MBD1: variants seen among roughly 807,000 people sequenced by gnomAD.
The protein encoded by MBD1 is methyl-CpG binding domain protein 1, also known as methyl-CpG-binding domain protein 1.
Under a neutral mutation model 82.6 loss-of-function variants are expected in MBD1, and 25 were observed. The observed-to-expected ratio is 0.30, with a 90% CI of 0.22 to 0.42. The LOEUF (loss-of-function observed/expected upper bound fraction) is 0.42. Among genes scored for constraint, MBD1 ranks in the 10% least tolerant of loss-of-function variants. The pLI, the probability that MBD1 is intolerant of heterozygous loss-of-function variation, is 1.00. For synonymous variants in MBD1, 301 were observed against 303.7 expected, an observed-to-expected ratio of 0.99 and a Z score of 0.09; for missense variants, 627 against 819.6, an observed-to-expected ratio of 0.76 and a Z score of 2.87.
intron 16 of MBD1, chr18:50,270,229 T>C: frequency 7.1e-7 from 1 of 1,416,020 alleles, no homozygotes; most frequent in Non-Finnish European, 9.9e-7. Flanking sequence ...ATGTCTGAAT[T>C]ACTTAAAGCT....
chr18:50,271,356 T>C (rs1057351049), intron 16 of MBD1, 113 bp downstream of exon 16: 2 of 1,592,714 alleles, frequency 1.3e-6, no homozygotes, highest in African/African-American at 1.3e-5. Flanking sequence ...TCTGGTTTGG[T>C]AGTAGGTTTT....
At position 50,275,614 on chromosome 18, in the gene MBD1, G is replaced by A; in HGVS notation, c.778C>T (p.Arg260Ter). The A allele has an allele frequency of 6.2e-7, 1 of 1,614,220 alleles. No homozygotes were observed. The highest frequency in any genetic ancestry group is 8.5e-7 in the Non-Finnish European group (1 of 1,180,038). ...GCCCAACTCACCCGTAGGCAACGTC[G>A]CTGGACACATTTCCACTGGCGCCTG... ...GLRRQWKCVQ[R>*]RCLRGKHARR... The change falls in exon 8 of 17, where the codon CGA (arginine) becomes TGA (stop). Residue 260 changes from arginine to a stop codon, truncating the protein, a stop_gained. Transcript: ENST00000269468. LOFTEE classifies it high-confidence loss of function.
intron 13 of MBD1, 138 bp from the exon 14 acceptor site, chr18:50,273,093 C>G: frequency 8.5e-6 from 11 of 1,297,336 alleles, no homozygotes; most frequent in Non-Finnish European, 1.1e-5. Context: ...TCTCTGCCTA[C>G]AAAGCTTTCC....
At chr18:50,281,748 T>A (rs940188653), upstream of MBD1, 1 of 351,250 alleles carries the variant, frequency 2.8e-6, no homozygotes. Flanking sequence ...CTCTCCTCGC[T>A]GCCCATCTAG....
chr18:50,271,459 C>T lies in MBD1; in HGVS notation c.*32+10G>A, dbSNP rs1186574170. 18 of 1,614,004 alleles carry T rather than the reference C, an allele frequency of 1.1e-5. No homozygotes were observed. The Middle Eastern group carries it at 4.9e-4, about 44-fold the overall frequency. On this transcript the variant is annotated intron_variant, in intron 16 of 16. Transcript: ENST00000269468. ...TGTTGTCTCTCATAAAGCCAGTCTGCAAATATCACCTTGAATCCTACAGTC... is the reference window on the plus strand; with the variant it reads ...TGTTGTCTCTCATAAAGCCAGTCTGTAAATATCACCTTGAATCCTACAGTC...
chr18:50,273,674 C>T lies in MBD1; in HGVS notation c.1336G>A (p.Gly446Ser). The T allele has an allele frequency of 1.2e-6, 2 of 1,614,110 alleles. No individual in the cohort carries two copies. Among genetic ancestry groups the T allele is most frequent in the Non-Finnish European group, 1.7e-6 (2 of 1,180,048 alleles). ...GTGCCAGGCGGGGGCAGCACAAAGC[C>T]ACCACCTGCTTCCTGCTTCGTTGGA... The part of the protein sequence containing the change: ...QAPTKQEAGG[G>S]FVLPPPGTDL... The change falls in exon 12 of 17, where the codon GGC becomes AGC. Residue 446 changes from glycine (G) to serine (S), a missense_variant. Around this residue, in one of 6 missense-constraint regions of MBD1, gnomAD observed 265 missense variants for 278.4 expected, o/e 0.95. Transcript: ENST00000269468.
At chr18:50,274,862 G>A (rs2037118346) in intron 10 of MBD1, 115 bp downstream of exon 10, 11 of 1,049,546 alleles carry the variant, frequency 1.0e-5, no homozygotes, top group Non-Finnish European at 1.6e-5. Context: ...CCCATCCTAG[G>A]ACCCATTATT....
chr18:50,276,095 C>T, intron 6 of MBD1, 114 bp from the exon 7 acceptor site: 2 of 1,325,734 alleles, frequency 1.5e-6, no homozygotes, highest in East Asian at 5.0e-5. Context: ...CCCCATTAGC[C>T]TCATCACCGT....
intron 16 of MBD1, chr18:50,270,620 T>C (rs2035105038): frequency 6.1e-6 from 2 of 329,988 alleles, no homozygotes; most frequent in South Asian, 2.5e-5. Context: ...AGTGGGGAGA[T>C]ATATCCTGTA....
rs367740776 is a variant in MBD1 at position 50,275,937 on chromosome 18, G to T, written c.561C>A (p.Asp187Glu). The T allele has an allele frequency of 4.3e-6, 7 of 1,613,762 alleles. No homozygotes were observed. Among genetic ancestry groups the T allele is most frequent in the Non-Finnish European group, 5.9e-6 (7 of 1,180,028 alleles). Reference sequence around the variant, plus strand: ...GGAGGCAGGTGGAGCAGGCCCCACAGTCTTCTGTTACCTGGCAGGCTGCAC... The same window carrying T: ...GGAGGCAGGTGGAGCAGGCCCCACATTCTTCTGTTACCTGGCAGGCTGCAC... ...GECAACQVTE[D>E]CGACSTCLLQ... is the part of the protein sequence containing the mutation. The change falls in exon 7 of 17, where the codon GAC becomes GAA. Residue 187 changes from aspartate to glutamate, a missense_variant. This residue lies in a region of MBD1 where 228 missense variants were observed against 318.1 expected (regional missense o/e 0.72). Coordinates refer to ENST00000269468, the MANE Select transcript of MBD1 (RefSeq NM_015846.4).
Position 50,275,047 on chromosome 18 carries a change from T to C in MBD1, c.910-2A>G. 1 of 1,613,992 alleles carries C rather than the reference T, an allele frequency of 6.2e-7. No individual in the cohort carries two copies. Among genetic ancestry groups the C allele is most frequent in the Non-Finnish European group, 8.5e-7 (1 of 1,179,956 alleles). ...CGAGGGGGCCAGGGCTCTGGGGTGCTGTAGAGGCAAATGGGGTGGGGTCAG... is the reference window on the plus strand; with the variant it reads ...CGAGGGGGCCAGGGCTCTGGGGTGCCGTAGAGGCAAATGGGGTGGGGTCAG... On this transcript the variant is annotated splice_acceptor_variant, in intron 9 of 16. Transcript: ENST00000269468. LOFTEE classifies it high-confidence loss of function.
In MBD1 at chr18:50,274,334, C is replaced by T. The variant is rs1228094438; in HGVS notation, c.998G>A (p.Arg333Gln). ...ACAGGCCCCGCACTTGCGGTTCTGC[C>T]GGCGGTTCGTGTAGGGCTGCTGGGG... ...EDELQPYTNR[R>Q]QNRKCGACAA... Residue 333 changes from arginine to glutamine, a missense_variant, in exon 11 of 17, where the codon CGG becomes CAG. Arg to Gln is a conservative substitution (Grantham distance 43, BLOSUM62 1). This residue lies in a region of MBD1 where 228 missense variants were observed against 318.1 expected (regional missense o/e 0.72). Coordinates refer to ENST00000269468, the MANE Select transcript of MBD1 (RefSeq NM_015846.4). 3 of 1,613,320 alleles carry T rather than the reference C, an allele frequency of 1.9e-6. No individual in the cohort carries two copies. Among genetic ancestry groups the T allele is most frequent in the Admixed American group, 1.7e-5 (1 of 60,002 alleles).
At chr18:50,281,142 C>G (rs1225946549) in intron 1 of MBD1, 6 of 1,532,684 alleles carry the variant, frequency 3.9e-6, no homozygotes, top group Middle Eastern at 1.7e-4. Context: ...CCGTCCTCGT[C>G]CCAGGATCCC....
chr18:50,278,324 T>C (rs932403794), intron 2 of MBD1, among the ~76,000 whole-genome samples: 1 of 152,324 alleles, frequency 6.6e-6, no homozygotes, highest in East Asian at 1.9e-4. Context: ...AAAATGAAAT[T>C]GCAGATAAGG....
Position 50,269,727 on chromosome 18 carries a change from G to C in MBD1, c.*124C>G, listed in dbSNP as rs767253745. Reference sequence around the variant, plus strand: ...CTGACATGGGTTCCAGGCCATCCTCGTGGGTTCCAGCTCGTGCTCGTGGGC... The same window carrying C: ...CTGACATGGGTTCCAGGCCATCCTCCTGGGTTCCAGCTCGTGCTCGTGGGC... On this transcript the variant is annotated 3_prime_UTR_variant, in exon 17 of 17. Coordinates refer to ENST00000269468, the MANE Select transcript of MBD1 (RefSeq NM_015846.4). 3 of 781,190 alleles carry C rather than the reference G, an allele frequency of 3.8e-6. No individual in the cohort carries two copies. Among genetic ancestry groups the C allele is most frequent in the Non-Finnish European group, 7.2e-6 (3 of 418,278 alleles). The allele number at this position is 781,190 out of a possible 1,614,324, so 48.4% of individuals were successfully genotyped here. A position where few individuals can be genotyped will look rare whatever the true frequency, so the allele number is the denominator to read the frequency against.
Position 50,278,146 on chromosome 18 carries a change from T to A in MBD1, c.111-942A>T, listed in dbSNP as rs183078367. On this transcript the variant is annotated intron_variant, in intron 2 of 16. Transcript: ENST00000269468. ...TAGAACATGGATATGGATACGGATA[T>A]GGACAAAGAGATGATTCACCTCTTG... Among the ~76,000 whole-genome samples, 471 of 152,332 alleles carry A rather than the reference T, an allele frequency of 3.1e-3. 3 individuals carry two copies. Among genetic ancestry groups the A allele is most frequent in the African/African-American group, 0.01 (427 of 41,568 alleles).
rs1400907351 is a variant in MBD1 at position 50,275,017 on chromosome 18, G to A, written c.938C>T (p.Pro313Leu). 6.2e-7 allele frequency: 1 copy of A among 1,614,102 alleles called. No homozygotes were observed. Among genetic ancestry groups the A allele is most frequent in the Non-Finnish European group, 8.5e-7 (1 of 1,180,042 alleles). The change falls in exon 10 of 17, where the codon CCT becomes CTT. Residue 313 changes from proline (P) to leucine (L), a missense_variant. Coordinates refer to ENST00000269468, the MANE Select transcript of MBD1 (RefSeq NM_015846.4). ...TACACAGTAATAGATGAACTCGGCA[G>A]GTGGCGAGGGGGCCAGGGCTCTGGG... ...PHPRALAPSPPAEFIYYCVDE... is the reference protein window; with the variant it reads ...PHPRALAPSPLAEFIYYCVDE...
At chr18:50,277,302 T>C (rs1174608440) in intron 2 of MBD1, 98 bp from the exon 3 acceptor site, 2 of 959,356 alleles carry the variant, frequency 2.1e-6, no homozygotes, top group Non-Finnish European at 3.3e-6. Flanking sequence ...GGAGGCAGCC[T>C]GGAATTGGCT....
chr18:50,277,312 T>C, intron 2 of MBD1, 108 bp from the exon 3 acceptor site: 2 of 779,132 alleles, frequency 2.6e-6, no homozygotes, highest in Non-Finnish European at 4.2e-6. Context: ...TGGAATTGGC[T>C]TGTGAGCCCT....
Sources: gnomAD v4.1 joint callset for allele counts (sites outside exome capture counted in the v4.1 genomes callset) on GRCh38, gnomAD v4.1.1 for gene constraint, gnomAD v4.1.1 regional missense constraint, MANE v1.5 for transcripts, NCBI Gene and HGNC (gene_info 2026-07-23, HGNC 2026-07-21) for gene names.